The following TP63 variants were observed in gnomAD, a reference collection of about 807,000 sequenced individuals.
TP63 encodes the protein tumor protein 63.
A neutral mutation model predicts 82.8 loss-of-function variants in TP63; 17 were observed. The ratio of observed to expected loss-of-function variants is 0.21; its 90% CI spans 0.14 to 0.31. TP63 has a LOEUF of 0.31. TP63 is among the 10% of genes least tolerant of loss of function. The probability of loss-of-function intolerance (pLI) is 1.00; values close to 1 mark genes in which losing one functional copy is unlikely to be tolerated. For missense variants in TP63, 648 were observed against 895.3 expected (o/e 0.72, Z 3.52); for synonymous variants, 330 against 321.7 (o/e 1.03, Z -0.28).
intron 1 of TP63, among the ~76,000 whole-genome samples, chr3:189,672,491 A>T (rs974244289): frequency 6.6e-6 from 1 of 152,020 alleles, no homozygotes; most frequent in Non-Finnish European, 1.5e-5. Context: ...AGTCCCAGCT[A>T]CTAGGGGAGC....
chr3:189,774,188 C>T (rs1723601293), intron 3 of TP63, among the ~76,000 whole-genome samples: 1 of 152,130 alleles, frequency 6.6e-6, no homozygotes, highest in South Asian at 2.1e-4. Context: ...TCCCAAAGTG[C>T]TGGGATTACA....
intron 1 of TP63, among the ~76,000 whole-genome samples, chr3:189,685,918 A>T (rs574347317): frequency 1.3e-5 from 2 of 152,264 alleles, no homozygotes; most frequent in South Asian, 4.1e-4. Flanking sequence ...GAGAAGGGGG[A>T]TAAAATGGTG....
intron 4 of TP63, among the ~76,000 whole-genome samples, chr3:189,809,661 T>C (rs1453825977): frequency 1.3e-5 from 2 of 152,258 alleles, no homozygotes; most frequent in Non-Finnish European, 2.9e-5. Flanking sequence ...TGGATTTCTT[T>C]GGAAAGCATT....
chr3:189,843,759 G>T (rs1319893883), intron 4 of TP63, among the ~76,000 whole-genome samples: 1 of 152,188 alleles, frequency 6.6e-6, no homozygotes, highest in Non-Finnish European at 1.5e-5. Flanking sequence ...CGGGGCCAAA[G>T]TTGGAGCCCC....
At chr3:189,596,943 C>G in the TP63 span, among the ~76,000 whole-genome samples, 6 of 152,000 alleles carry the variant, frequency 3.9e-5, no homozygotes, top group Non-Finnish European at 7.4e-5. Flanking sequence ...CCAGACGCAC[C>G]GCCTTAAGAA....
At chr3:189,861,492 A>G (rs1282177571) in intron 4 of TP63, among the ~76,000 whole-genome samples, 1 of 152,182 alleles carries the variant, frequency 6.6e-6, no homozygotes, top group African/African-American at 2.4e-5. Flanking sequence ...AGGGCCTCAT[A>G]AAGTCCTCAA....
At chr3:189,875,480 C>T (rs962819165) in intron 10 of TP63, among the ~76,000 whole-genome samples, 21 of 150,504 alleles carry the variant, frequency 1.4e-4, no homozygotes, top group African/African-American at 5.1e-4. Flanking sequence ...GCAGAAGAAT[C>T]GCTTGAACCT....
chr3:189,816,845 A>G (rs1483337146), intron 4 of TP63, among the ~76,000 whole-genome samples: 1 of 152,102 alleles, frequency 6.6e-6, no homozygotes, highest in Non-Finnish European at 1.5e-5. Flanking sequence ...TCATGACCTT[A>G]TCATTAAGCC....
At chr3:189,654,095 T>C (rs1713119046) in intron 1 of TP63, among the ~76,000 whole-genome samples, 1 of 152,180 alleles carries the variant, frequency 6.6e-6, no homozygotes, top group Admixed American at 6.5e-5. Context: ...CATTTATTTG[T>C]GAGACAAGTT....
At chr3:189,891,779 G>A (rs375033310) in intron 13 of TP63, among the ~76,000 whole-genome samples, 2 of 152,126 alleles carry the variant, frequency 1.3e-5, no homozygotes, top group South Asian at 2.1e-4. Flanking sequence ...CTTAGGCCGC[G>A]CTCTTCATGC....
chr3:189,823,698 A>G (rs1303311354), intron 4 of TP63, among the ~76,000 whole-genome samples: 1 of 152,148 alleles, frequency 6.6e-6, no homozygotes, highest in Admixed American at 6.5e-5. Context: ...TTGACGAATC[A>G]CTTCCTCCCT....
At chr3:189,596,795 C>T in the TP63 span, among the ~76,000 whole-genome samples, 3 of 152,168 alleles carry the variant, frequency 2.0e-5, no homozygotes, top group Non-Finnish European at 4.4e-5. Flanking sequence ...TGTTCTTTTG[C>T]TCTTTGCAGT....
At chr3:189,732,794 TAC>T (rs150853946) in intron 1 of TP63, among the ~76,000 whole-genome samples, 5,083 of 151,322 alleles carry the variant, frequency 0.034, 95 homozygotes, top group Middle Eastern at 0.065. Flanking sequence ...CCACAAGAAA[TAC>T]AGAGCTGAGA....
rs764833915 is a variant in TP63 at position 189,650,805 on chromosome 3, C to T, written c.62+19228C>T. Among the ~76,000 whole-genome samples, 21 of 147,140 alleles carry T rather than the reference C, an allele frequency of 1.4e-4. 2 individuals carry two copies. Among genetic ancestry groups the T allele is most frequent in the Admixed American group, 1.0e-3 (15 of 14,954 alleles). On this transcript the variant is annotated intron_variant, in intron 1 of 13. Transcript: ENST00000264731. ...ATTAGGATAGCCAAAAATGTGGAAG[C>T]GACTTTGGAGCTGGGTAACAGGCAG...
chr3:189,602,265 T>C, the TP63 span, among the ~76,000 whole-genome samples: 3 of 151,980 alleles, frequency 2.0e-5, no homozygotes, highest in African/African-American at 7.2e-5. Context: ...AAATTACATG[T>C]GAACAGGAAG....
chr3:189,676,092 T>C (rs1161047801), intron 1 of TP63, among the ~76,000 whole-genome samples: 2 of 152,168 alleles, frequency 1.3e-5, no homozygotes, highest in Non-Finnish European at 2.9e-5. Context: ...TATGCGTACA[T>C]TGTTAACTGA....
At chr3:189,653,199 T>C (rs1920267) in intron 1 of TP63, among the ~76,000 whole-genome samples, 136,396 of 152,194 alleles carry the variant, frequency 0.9, 62,503 homozygotes, top group Non-Finnish European at 0.98. Context: ...AAGGACCATA[T>C]AGTTACTCAT....
At chr3:189,655,780 C>A (rs1275502705) in intron 1 of TP63, among the ~76,000 whole-genome samples, 1 of 152,042 alleles carries the variant, frequency 6.6e-6, no homozygotes, top group Non-Finnish European at 1.5e-5. Context: ...GTGAGAAACC[C>A]CTTGACACTT....
intron 1 of TP63, among the ~76,000 whole-genome samples, chr3:189,632,369 T>C (rs764548309): frequency 2.0e-5 from 3 of 152,100 alleles, no homozygotes; most frequent in Non-Finnish European, 4.4e-5. Flanking sequence ...TTACAAAGGG[T>C]TAACTTGCCA....
Sources: allele counts gnomAD v4.1 joint callset (sites outside exome capture counted in the v4.1 genomes callset), GRCh38; gene constraint gnomAD v4.1.1; transcripts MANE v1.5; gene names NCBI Gene and HGNC (gene_info 2026-07-23, HGNC 2026-07-21).